The following C12orf75 variants were observed in gnomAD, a reference collection of about 807,000 sequenced individuals.
C12orf75 encodes chromosome 12 open reading frame 75, also known as overexpressed in colon carcinoma 1 protein.
Under a neutral mutation model 11.4 loss-of-function variants are expected in C12orf75, and 4 were observed. That is an observed-to-expected ratio of 0.35 (90% CI 0.17 to 0.80). C12orf75 has a LOEUF of 0.80. Ranked by LOEUF, C12orf75 falls within the 30% of genes least tolerant of loss-of-function variation. The pLI, the probability that C12orf75 is intolerant of heterozygous loss-of-function variation, is 0.52. For synonymous variants in C12orf75, 30 were observed against 30.0 expected, an observed-to-expected ratio of 1.00 and a Z score of 0.00; for missense variants, 89 against 80.4, an observed-to-expected ratio of 1.11 and a Z score of -0.41.
intron 2 of C12orf75, among the ~76,000 whole-genome samples, chr12:105,352,927 C>T (rs569356960): frequency 6.6e-6 from 1 of 152,344 alleles, no homozygotes; most frequent in African/African-American, 2.4e-5. Context: ...AATTAAATCA[C>T]AGTGCAGTAA....
chr12:105,350,349 A>G (rs1041803249), intron 2 of C12orf75, among the ~76,000 whole-genome samples: 11 of 152,194 alleles, frequency 7.2e-5, no homozygotes, highest in Non-Finnish European at 1.5e-4. Flanking sequence ...GCTACAGTGG[A>G]GAGTGAGCAG....
chr12:105,364,774 T>C lies in C12orf75; in HGVS notation c.72-1033T>C, dbSNP rs184809955. ...GCAACTTATGTATGCCAACTAGTGC[T>C]TCAAGGAAAGTGTCCTGATTCTCTT... On this transcript the variant is annotated intron_variant, in intron 2 of 5. Coordinates refer to ENST00000443585, the MANE Select transcript of C12orf75 (RefSeq NM_001145199.2). Among the ~76,000 whole-genome samples the C allele has an allele frequency of 5.1e-3, 776 of 152,126 alleles. 3 individuals carry two copies. The highest frequency in any genetic ancestry group is 5.6e-3 in the Non-Finnish European group (381 of 67,992).
chr12:105,362,257 C>T lies in C12orf75; in HGVS notation c.72-3550C>T, dbSNP rs969333800. On this transcript the variant is annotated intron_variant, in intron 2 of 5. Transcript: ENST00000443585. ...AAAAATTAGCCGGGCGTGTGGCGGG[C>T]GCCTGTAGTCCCAGCTACTTGGGAG... 2.2e-4 allele frequency among the ~76,000 whole-genome samples: 33 copies of T among 150,636 alleles called. No homozygotes were observed. In the East Asian group the frequency reaches 3.4e-3, roughly 15 times the overall value.
At chr12:105,369,002 A>G (rs1249757664) in intron 5 of C12orf75, among the ~76,000 whole-genome samples, 1 of 152,212 alleles carries the variant, frequency 6.6e-6, no homozygotes, top group African/African-American at 2.4e-5. Flanking sequence ...ATTTGTATCA[A>G]ATAGAAAAGA....
At chr12:105,337,813 C>T (rs1592876217) in intron 1 of C12orf75, among the ~76,000 whole-genome samples, 1 of 152,076 alleles carries the variant, frequency 6.6e-6, no homozygotes, top group South Asian at 2.1e-4. Flanking sequence ...AAGTTTAAGC[C>T]CCTACCAGAA....
chr12:105,330,850 G>T lies in C12orf75; in HGVS notation c.-42G>T. The stretch of plus-strand genomic sequence containing the variant: ...CTGGGTCTCCGCCCCCAGGACCCGC[G>T]GCCGAGAGCTCCGGAGCGCGGCTTC... On this transcript the variant is annotated 5_prime_UTR_variant, in exon 1 of 6. Coordinates refer to ENST00000443585, the MANE Select transcript of C12orf75 (RefSeq NM_001145199.2). 8.0e-7 allele frequency: 1 copy of T among 1,249,810 alleles called. No homozygotes were observed. The highest frequency in any genetic ancestry group is 1.0e-6 in the Non-Finnish European group (1 of 998,620). 77.4% of individuals were successfully genotyped at this position (1,249,810 alleles called of 1,614,324 possible).
At chr12:105,363,266 G>T (rs938553613) in intron 2 of C12orf75, among the ~76,000 whole-genome samples, 4 of 152,256 alleles carry the variant, frequency 2.6e-5, no homozygotes, top group Non-Finnish European at 5.9e-5. Context: ...CACTGTGCCT[G>T]ACACACAGGA....
chr12:105,349,359 T>C (rs1892682364), intron 2 of C12orf75, among the ~76,000 whole-genome samples: 1 of 152,222 alleles, frequency 6.6e-6, no homozygotes, highest in African/African-American at 2.4e-5. Flanking sequence ...TGTGGAAAGA[T>C]GTATTGCTCA....
chr12:105,367,465 C>CT lies in C12orf75; in HGVS notation c.188-4dup. On this transcript the variant is annotated splice_polypyrimidine_tract_variant and splice_region_variant and intron_variant, in intron 4 of 5. Coordinates refer to ENST00000443585, the MANE Select transcript of C12orf75 (RefSeq NM_001145199.2). ...AACATTTAACTTTTCTTAATTTTCT[C>CT]TTTAAGATTAGAAGAAAATAACATC... 1.2e-6 allele frequency: 1 copy of CT among 836,152 alleles called. No individual in the cohort carries two copies. The highest frequency in any genetic ancestry group is 3.0e-5 in the East Asian group (1 of 33,630). The allele number at this position is 836,152 out of a possible 1,614,324, so 51.8% of individuals were successfully genotyped here. A position where few individuals can be genotyped will look rare whatever the true frequency, so the allele number is the denominator to read the frequency against.
chr12:105,370,533 TAA>T, intron 5 of C12orf75, 99 bp from the exon 6 acceptor site: 27 of 453,094 alleles, frequency 6.0e-5, no homozygotes, highest in South Asian at 4.2e-4. Context: ...GTGTTTTACT[TAA>T]AAGAAAGTAA....
At chr12:105,363,791 G>A (rs1053165245) in intron 2 of C12orf75, among the ~76,000 whole-genome samples, 4 of 151,030 alleles carry the variant, frequency 2.6e-5, no homozygotes, top group Non-Finnish European at 4.4e-5. Context: ...TTAAGATTTG[G>A]CATTATATCT....
rs1239696367 is a variant in C12orf75, at chr12:105,366,679, CAA to C, written c.172_173del (p.Lys58AspfsTer92). ...GCTGTCAATATGGTGTCCAGTCAAACAAAGACGGTTCGGAAAAGTAAGTGAAA... is the reference window on the plus strand; with the variant it reads ...GCTGTCAATATGGTGTCCAGTCAAACAGACGGTTCGGAAAAGTAAGTGAAA... On this transcript the variant is annotated frameshift_variant, in exon 4 of 6. Coordinates refer to ENST00000443585, the MANE Select transcript of C12orf75 (RefSeq NM_001145199.2). LOFTEE classifies it high-confidence loss of function. The C allele has an allele frequency of 3.3e-6, 5 of 1,533,312 alleles. No individual in the cohort carries two copies. In the African/African-American group the frequency reaches 6.9e-5, roughly 21 times the overall value. 95.0% of individuals were successfully genotyped at this position (1,533,312 alleles called of 1,614,324 possible). A position where few individuals can be genotyped will look rare whatever the true frequency, so the allele number is the denominator to read the frequency against.
chr12:105,365,083 C>T (rs10861408), intron 2 of C12orf75, among the ~76,000 whole-genome samples: 46,050 of 151,678 alleles, frequency 0.3, 8,473 homozygotes, highest in East Asian at 0.67. Flanking sequence ...GTGATCCGCC[C>T]GCCTCGGCCT....
intron 5 of C12orf75, among the ~76,000 whole-genome samples, chr12:105,370,358 A>T (rs931938209): frequency 6.6e-6 from 1 of 152,202 alleles, no homozygotes; most frequent in Non-Finnish European, 1.5e-5. Context: ...TGATGTTAAT[A>T]TACATGCAGC....
intron 1 of C12orf75, among the ~76,000 whole-genome samples, chr12:105,336,107 T>C (rs1319523588): frequency 2.0e-5 from 3 of 152,212 alleles, no homozygotes; most frequent in Non-Finnish European, 4.4e-5. Flanking sequence ...AGGCAGGTCA[T>C]TTTTAGTGCT....
intron 1 of C12orf75, among the ~76,000 whole-genome samples, chr12:105,346,433 A>G (rs550226719): frequency 6.6e-6 from 1 of 151,976 alleles, no homozygotes; most frequent in Non-Finnish European, 1.5e-5. Context: ...TAAAACGTTC[A>G]TTTTCACGGG....
intron 1 of C12orf75, among the ~76,000 whole-genome samples, chr12:105,340,153 T>C (rs1892549575): frequency 6.6e-6 from 1 of 151,702 alleles, no homozygotes; most frequent in African/African-American, 2.4e-5. Flanking sequence ...AGGTGGGGCG[T>C]GGTGGCTCAC....
In C12orf75 at chr12:105,367,524, TC is replaced by T. The variant is rs1222578768; in HGVS notation, c.*33+16del. On this transcript the variant is annotated intron_variant, in intron 5 of 5. Transcript: ENST00000443585. Reference sequence around the variant, plus strand: ...AGAATCAAGAGGTGCTGTATATTTTTCTAAATAATTCTATATATTTAGACTT... The same window carrying T: ...AGAATCAAGAGGTGCTGTATATTTTTTAAATAATTCTATATATTTAGACTT... 7.3e-6 allele frequency: 5 copies of T among 687,686 alleles called. No homozygotes were observed. In the South Asian group the frequency reaches 8.3e-5, roughly 11 times the overall value. 42.6% of individuals were successfully genotyped at this position (687,686 alleles called of 1,614,324 possible).
intron 2 of C12orf75, among the ~76,000 whole-genome samples, chr12:105,360,782 C>G (rs1363429064): frequency 6.6e-6 from 1 of 151,122 alleles, no homozygotes; most frequent in Non-Finnish European, 1.5e-5. Context: ...CATCTTAGAT[C>G]TTTTTTTTTG....
Sources: allele counts gnomAD v4.1 joint callset (sites outside exome capture counted in the v4.1 genomes callset), GRCh38; gene constraint gnomAD v4.1.1; transcripts MANE v1.5; gene names NCBI Gene and HGNC (gene_info 2026-07-23, HGNC 2026-07-21).